CDH13: variants seen among roughly 807,000 people sequenced by gnomAD.
CDH13 encodes cadherin-13.
Under a neutral mutation model 63.8 loss-of-function variants are expected in CDH13, and 24 were observed. The observed-to-expected ratio is 0.38, with a 90% confidence interval of 0.27 to 0.53. CDH13 has a LOEUF of 0.53. Among genes scored for constraint, CDH13 ranks in the 20% least tolerant of loss-of-function variants. The pLI is 0.85. For missense variants in CDH13, 1,049 were observed against 903.1 expected (o/e 1.16, Z -2.07); for synonymous variants, 503 against 355.3 (o/e 1.42, Z -4.67).
chr16:82,655,728 A>T (rs557231935), intron 1 of CDH13, among the ~76,000 whole-genome samples: 1 of 152,198 alleles, frequency 6.6e-6, no homozygotes, highest in Non-Finnish European at 1.5e-5. Context: ...TTAATTTTAC[A>T]TATATATTAA....
At chr16:83,429,812 A>G (rs1598000430) in intron 6 of CDH13, among the ~76,000 whole-genome samples, 1 of 152,324 alleles carries the variant, frequency 6.6e-6, no homozygotes, top group South Asian at 2.1e-4. Flanking sequence ...CTACCCTCTT[A>G]ACAAATATTT....
At chr16:82,712,886 T>A (rs1443536530) in intron 1 of CDH13, among the ~76,000 whole-genome samples, 1 of 152,138 alleles carries the variant, frequency 6.6e-6, no homozygotes, top group African/African-American at 2.4e-5. Flanking sequence ...GCCACTCTCA[T>A]TTTCAGCTTC....
At chr16:83,682,860 T>G (rs890828502) in intron 10 of CDH13, among the ~76,000 whole-genome samples, 2 of 152,126 alleles carry the variant, frequency 1.3e-5, no homozygotes, top group African/African-American at 4.8e-5. Flanking sequence ...GGCCTGCCCA[T>G]CCTAATGGCC....
At position 83,415,626 on chromosome 16, in the gene CDH13, A is replaced by T. The variant is rs2092189189; in HGVS notation, c.781+70620A>T. 2.0e-5 allele frequency among the ~76,000 whole-genome samples: 3 copies of T among 152,234 alleles called. No homozygotes were observed. The South Asian group carries it at 6.2e-4, about 31-fold the overall frequency. On this transcript the variant is annotated intron_variant, in intron 6 of 13. Transcript: ENST00000567109. ...ACACACAGAAATCAATCAATGTGATACACCACATTAGCAGACTAGAAAATA... is the reference window on the plus strand; with the variant it reads ...ACACACAGAAATCAATCAATGTGATTCACCACATTAGCAGACTAGAAAATA...
chr16:82,847,236 A>C (rs1214950062), intron 1 of CDH13, among the ~76,000 whole-genome samples: 1 of 152,204 alleles, frequency 6.6e-6, no homozygotes, highest in Admixed American at 6.5e-5. Flanking sequence ...GTAACAAATG[A>C]CCACAAATTT....
chr16:82,931,461 T>A (rs1194043964), intron 2 of CDH13, among the ~76,000 whole-genome samples: 1 of 151,952 alleles, frequency 6.6e-6, no homozygotes, highest in East Asian at 1.9e-4. Flanking sequence ...AAATGAAGTT[T>A]AGAAGTTCTA....
At chr16:83,384,894 TC>T (rs1471484774) in intron 6 of CDH13, among the ~76,000 whole-genome samples, 1 of 152,238 alleles carries the variant, frequency 6.6e-6, no homozygotes, top group African/African-American at 2.4e-5. Context: ...ACATGGTATG[TC>T]CAACTTCTAG....
intron 5 of CDH13, among the ~76,000 whole-genome samples, chr16:83,259,220 C>G (rs550839659): frequency 1.3e-5 from 2 of 152,166 alleles, no homozygotes; most frequent in East Asian, 3.9e-4. Flanking sequence ...AGCTGTTTTC[C>G]TCTCTGAGCT....
chr16:83,033,533 A>G (rs1001090452), intron 3 of CDH13, among the ~76,000 whole-genome samples: 1 of 152,162 alleles, frequency 6.6e-6, no homozygotes, highest in African/African-American at 2.4e-5. Context: ...GTATGTGTGT[A>G]TATACATACA....
intron 5 of CDH13, among the ~76,000 whole-genome samples, chr16:83,309,268 G>C (rs918536838): frequency 6.6e-6 from 1 of 152,176 alleles, no homozygotes; most frequent in African/African-American, 2.4e-5. Flanking sequence ...GGAGTACTGG[G>C]ATCTTTGGGA....
chr16:83,719,396 C>T (rs372158646), intron 10 of CDH13, among the ~76,000 whole-genome samples: 24 of 152,180 alleles, frequency 1.6e-4, no homozygotes, highest in African/African-American at 5.5e-4. Context: ...TAGGAGAGGG[C>T]GACATGGGGA....
intron 1 of CDH13, among the ~76,000 whole-genome samples, chr16:82,783,132 C>A (rs900300279): frequency 2.0e-5 from 3 of 152,192 alleles, no homozygotes; most frequent in African/African-American, 7.2e-5. Flanking sequence ...GGGTTGGCAC[C>A]GAGGGACATT....
At chr16:82,722,958 A>T (rs2032871703) in intron 1 of CDH13, 1 of 152,224 alleles carries the variant, frequency 6.6e-6, no homozygotes, top group South Asian at 2.1e-4. Flanking sequence ...AAGAGTCAAT[A>T]AATCATTTCT....
chr16:83,672,614 G>A (rs572453456), intron 9 of CDH13, among the ~76,000 whole-genome samples: 33 of 151,544 alleles, frequency 2.2e-4, no homozygotes, highest in African/African-American at 2.7e-4. Flanking sequence ...CAATAGAGAC[G>A]GGGTCTCACC....
At chr16:83,324,009 A>T (rs1165912756) in intron 5 of CDH13, among the ~76,000 whole-genome samples, 4 of 150,800 alleles carry the variant, frequency 2.7e-5, no homozygotes, top group African/African-American at 7.3e-5. Context: ...CCAGTCATGC[A>T]ACCATCATCA....
intron 3 of CDH13, among the ~76,000 whole-genome samples, chr16:83,035,286 A>ACCTCC (rs1304539882): frequency 6.6e-6 from 1 of 152,142 alleles, no homozygotes; most frequent in East Asian, 1.9e-4. Flanking sequence ...GGGAGGGAAT[A>ACCTCC]CGAATGTGTG....
chr16:82,707,294 AAG>A (rs1175415173), intron 1 of CDH13, among the ~76,000 whole-genome samples: 1 of 152,188 alleles, frequency 6.6e-6, no homozygotes, highest in Non-Finnish European at 1.5e-5. Context: ...GGAGATTTCA[AAG>A]AGAAGGGAGT....
chr16:83,688,828 T>C lies in CDH13; in HGVS notation c.1538+10367T>C, dbSNP rs1235591897. 2.0e-5 allele frequency among the ~76,000 whole-genome samples: 3 copies of C among 152,214 alleles called. No individual in the cohort carries two copies. The East Asian group carries it at 5.8e-4, about 29-fold the overall frequency. On this transcript the variant is annotated intron_variant, in intron 10 of 13. Coordinates refer to ENST00000567109, the MANE Select transcript of CDH13 (RefSeq NM_001257.5). ...AATATATTAGCACAGATGACTCTTG[T>C]TTTTAGTGGTCAGATGTTCTGTTAT...
intron 7 of CDH13, among the ~76,000 whole-genome samples, chr16:83,567,623 T>A (rs774285908): frequency 3.3e-5 from 5 of 152,206 alleles, no homozygotes; most frequent in Non-Finnish European, 5.9e-5. Flanking sequence ...TGAGACAGAG[T>A]CTCACTCTGT....
Sources: gnomAD v4.1 joint callset for allele counts (sites outside exome capture counted in the v4.1 genomes callset) on GRCh38, gnomAD v4.1.1 for gene constraint, MANE v1.5 for transcripts, NCBI Gene and HGNC (gene_info 2026-07-23, HGNC 2026-07-21) for gene names.